The following NOTCH1 variants were observed in gnomAD, a reference collection of about 807,000 sequenced individuals.
NOTCH1 encodes the protein neurogenic locus notch homolog protein 1.
In NOTCH1, 37 loss-of-function variants were observed where a neutral mutation model predicts 254.8. That is an observed-to-expected ratio of 0.15 (90% CI 0.11 to 0.19). The LOEUF is 0.19. NOTCH1 is among the 10% of genes least tolerant of loss of function. The probability of loss-of-function intolerance (pLI) is 1.00; values close to 1 mark genes in which losing one functional copy is unlikely to be tolerated. For missense variants in NOTCH1, 2,972 were observed against 3,708.6 expected (o/e 0.80, Z 5.16); for synonymous variants, 1,731 against 1,618.1 (o/e 1.07, Z -1.68).
rs1843069971 is a variant in NOTCH1, at chr9:136,505,629, G to A, written c.4267C>T (p.Leu1423Phe). The change falls in exon 25 of 34, where the codon CTC becomes TTC. Residue 1423 changes from leucine (L) to phenylalanine (F), a missense_variant. Around this residue, in one of 8 missense-constraint regions of NOTCH1, gnomAD observed 1,343 missense variants for 1,557.0 expected, o/e 0.86. Transcript: ENST00000651671. ...RCLCPAKFNG[L>F]LCHILDYSFG... ...CTGTAGTCCAGGATGTGGCACAAGAGCCCGTTGAATTTGGCGGGGCACAGG... is the reference window on the plus strand; with the variant it reads ...CTGTAGTCCAGGATGTGGCACAAGAACCCGTTGAATTTGGCGGGGCACAGG... 1.2e-6 allele frequency: 2 copies of A among 1,612,204 alleles called. No individual in the cohort carries two copies. The highest frequency in any genetic ancestry group is 8.5e-7 in the Non-Finnish European group (1 of 1,179,640).
rs9411208 is a variant in NOTCH1, at chr9:136,517,745, G to A, written c.1441+7C>T. Reference sequence around the variant, plus strand: ...TCGGTTTCCCGCCCTGGCCCCGGCCGACGCACCGGGCATGCAGATGCACTG... The same window carrying A: ...TCGGTTTCCCGCCCTGGCCCCGGCCAACGCACCGGGCATGCAGATGCACTG... On this transcript the variant is annotated splice_region_variant and intron_variant, in intron 8 of 33. Coordinates refer to ENST00000651671, the MANE Select transcript of NOTCH1 (RefSeq NM_017617.5). The A allele has an allele frequency of 0.51, 814,767 of 1,612,248 alleles. 216,604 individuals carry two copies. Among genetic ancestry groups the A allele is most frequent in the East Asian group, 0.92 (41,273 of 44,866 alleles).
chr9:136,523,345 G>C lies in NOTCH1; in HGVS notation c.404-157C>G, dbSNP rs1474239908. ...CCTGCCGTGAGACCGGTCGCCTTTG[G>C]CAGATGAAGGACCACAGCTCCCAAG... On this transcript the variant is annotated intron_variant, in intron 3 of 33. Coordinates refer to ENST00000651671, the MANE Select transcript of NOTCH1 (RefSeq NM_017617.5). Among the ~76,000 whole-genome samples the C allele has an allele frequency of 3.9e-5, 6 of 152,204 alleles. No homozygotes were observed. In the East Asian group the frequency reaches 1.2e-3, roughly 29 times the overall value.
chr9:136,509,694 G>C (rs376527097), intron 18 of NOTCH1, 39 bp downstream of exon 18: 1 of 1,585,250 alleles, frequency 6.3e-7, no homozygotes, highest in Non-Finnish European at 8.7e-7. Context: ...GGCCCGCACC[G>C]CCCGTTCCCT....
At position 136,532,361 on chromosome 9, in the gene NOTCH1, G is replaced by T. The variant is rs537570467; in HGVS notation, c.141-8382C>A. 2.8e-4 allele frequency among the ~76,000 whole-genome samples: 43 copies of T among 152,274 alleles called. No individual in the cohort carries two copies. In the East Asian group the frequency reaches 6.2e-3, roughly 22 times the overall value. ...CCTCGCGGCCTCGCCCAAAGATCTC[G>T]CACTACCTCACCCAATCCCGCAGGA... On this transcript the variant is annotated intron_variant, in intron 2 of 33. Transcript: ENST00000651671.
Position 136,502,423 on chromosome 9 carries a change from C to T in NOTCH1, c.5233G>A (p.Val1745Met). ...CCGCAGCCCACGAAGAACAGAAGCA[C>T]AAAGGCGGCCGCCGCCACGTACATG... ...HFMYVAAAAF[V>M]LLFFVGCGVL... The change falls in exon 28 of 34, where the codon GTG becomes ATG. Residue 1745 changes from valine (V) to methionine (M), a missense_variant. By Grantham distance (21) the Val-to-Met change is conservative (BLOSUM62 1). Around this residue, in one of 8 missense-constraint regions of NOTCH1, gnomAD observed 421 missense variants for 604.4 expected, o/e 0.70. Coordinates refer to ENST00000651671, the MANE Select transcript of NOTCH1 (RefSeq NM_017617.5). 6.2e-7 allele frequency: 1 copy of T among 1,609,492 alleles called. No individual in the cohort carries two copies. Among genetic ancestry groups the T allele is most frequent in the African/African-American group, 1.3e-5 (1 of 74,992 alleles).
In NOTCH1 at chr9:136,514,548, G is replaced by A. The variant is rs557522267; in HGVS notation, c.2169C>T (p.Asn723=). The A allele has an allele frequency of 1.4e-5, 23 of 1,603,382 alleles. No individual in the cohort carries two copies. The East Asian group carries it at 2.9e-4, about 20-fold the overall frequency. ...CCCGGCAGGCCCCGTGGACGCAGGG[G>A]TTGCTGTTGCACTCATTGACCTCAG... is the stretch of plus-strand genomic sequence containing the variant. ...CLSEVNECNS[N]PCVHGACRDS... is the part of the protein sequence containing the mutation. Residue 723 remains asparagine (N), a synonymous_variant, in exon 13 of 34, where the codon AAC becomes AAT. Transcript: ENST00000651671.
rs1343291007 is a variant in NOTCH1, at chr9:136,494,731, CAA to C, written c.*1338_*1339del. On this transcript the variant is annotated 3_prime_UTR_variant, in exon 34 of 34. Coordinates refer to ENST00000651671, the MANE Select transcript of NOTCH1 (RefSeq NM_017617.5). ...GCGGCTAAGGCTCCCCGAGCTGAGC[CAA>C]GTCTGACGTCCCTCACTGGCATGAC... 1 of 398,662 alleles carries C rather than the reference CAA, an allele frequency of 2.5e-6. No homozygotes were observed. Among genetic ancestry groups the C allele is most frequent in the African/African-American group, 2.1e-5 (1 of 48,738 alleles). 24.7% of individuals were successfully genotyped at this position (398,662 alleles called of 1,614,324 possible).
intron 9 of NOTCH1, among the ~76,000 whole-genome samples, 159 bp from the exon 10 acceptor site, chr9:136,516,253 C>T (rs747884508): frequency 1.2e-4 from 19 of 152,194 alleles, no homozygotes; most frequent in Non-Finnish European, 2.2e-4. Flanking sequence ...TCCCGCTGCC[C>T]GCTCCCCGGA....
In NOTCH1 at chr9:136,504,948, C is replaced by T. The variant is rs781672648; in HGVS notation, c.4743G>A (p.Pro1581=). ...AGGAGCTGTTGCGCAGCTGCTCCGG[C>T]GGCATCAGCACCACCACCACCAGCG... The part of the protein sequence containing the change: ...AGTLVVVVLM[P]PEQLRNSSFH... The change falls in exon 26 of 34, where the codon CCG becomes CCA. Residue 1581 remains proline (P), a synonymous_variant. Coordinates refer to ENST00000651671, the MANE Select transcript of NOTCH1 (RefSeq NM_017617.5). 9 of 1,587,630 alleles carry T rather than the reference C, an allele frequency of 5.7e-6. No homozygotes were observed. The highest frequency in any genetic ancestry group is 1.7e-4 in the Middle Eastern group (1 of 6,028).
chr9:136,533,794 G>A (rs568815006), intron 2 of NOTCH1, among the ~76,000 whole-genome samples: 1 of 152,396 alleles, frequency 6.6e-6, no homozygotes, highest in South Asian at 2.1e-4. Context: ...TCCTACTAGG[G>A]CATCTGTCTG....
intron 9 of NOTCH1, among the ~76,000 whole-genome samples, chr9:136,516,480 T>C (rs771015461): frequency 6.6e-6 from 1 of 152,108 alleles, no homozygotes; most frequent in Non-Finnish European, 1.5e-5. Flanking sequence ...CTGGGACAGA[T>C]GGAAACACCT....
At chr9:136,539,189 C>G (rs758441546) in intron 2 of NOTCH1, among the ~76,000 whole-genome samples, 1 of 152,194 alleles carries the variant, frequency 6.6e-6, no homozygotes, top group African/African-American at 2.4e-5. Context: ...CTTTCTCCCT[C>G]TCTCTTTTTC....
chr9:136,498,179 C>T (rs1021207369), intron 33 of NOTCH1, among the ~76,000 whole-genome samples: 6 of 151,792 alleles, frequency 4.0e-5, no homozygotes, highest in Non-Finnish European at 8.8e-5. Context: ...CGCTGTGTGC[C>T]CTCACCCAGG....
Position 136,522,831 on chromosome 9 carries a change from G to T in NOTCH1, c.742+19C>A. 1 of 1,464,658 alleles carries T rather than the reference G, an allele frequency of 6.8e-7. No individual in the cohort carries two copies. The allele number at this position is 1,464,658 out of a possible 1,614,324, so 90.7% of individuals were successfully genotyped here. A position where few individuals can be genotyped will look rare whatever the true frequency, so the allele number is the denominator to read the frequency against. On this transcript the variant is annotated intron_variant, in intron 4 of 33. Transcript: ENST00000651671. Reference sequence around the variant, plus strand: ...AGCCGGGGAGGGGCTCGTGCACCCCGGCCAGCGGGCAGCACTACCTGGCAG... The same window carrying T: ...AGCCGGGGAGGGGCTCGTGCACCCCTGCCAGCGGGCAGCACTACCTGGCAG...
chr9:136,517,987 C>T (rs112799526), intron 7 of NOTCH1, 50 bp from the exon 8 acceptor site: 4 of 1,596,574 alleles, frequency 2.5e-6, no homozygotes, highest in African/African-American at 1.3e-5. Flanking sequence ...CTGGCCCCTG[C>T]AACACCTCAC....
Position 136,523,054 on chromosome 9 carries a change from T to C in NOTCH1, c.538A>G (p.Asn180Asp). ...FHGPTCRQDV[N>D]ECGQKPGLCR... Reference sequence around the variant, plus strand: ...AGCCCGGGCTTCTGGCCACACTCGTTGACATCCTGCCGGCAGGTGGGGCCA... The same window carrying C: ...AGCCCGGGCTTCTGGCCACACTCGTCGACATCCTGCCGGCAGGTGGGGCCA... Residue 180 changes from asparagine to aspartate, a missense_variant, in exon 4 of 34, where the codon AAC becomes GAC. Transcript: ENST00000651671. The C allele has an allele frequency of 6.4e-7, 1 of 1,568,690 alleles. No individual in the cohort carries two copies. Among genetic ancestry groups the C allele is most frequent in the South Asian group, 1.2e-5 (1 of 85,620 alleles).
intron 4 of NOTCH1, among the ~76,000 whole-genome samples, chr9:136,519,803 G>T (rs1379089162): frequency 6.6e-6 from 1 of 152,234 alleles, no homozygotes; most frequent in Non-Finnish European, 1.5e-5. Flanking sequence ...GGTTCCAGAA[G>T]ATTCTGTCAC....
chr9:136,505,926 C>T (rs749403581), intron 24 of NOTCH1, 45 bp from the exon 25 acceptor site: 184 of 1,486,664 alleles, frequency 1.2e-4, no homozygotes, highest in Non-Finnish European at 1.6e-4. Flanking sequence ...GGGCCACCCC[C>T]CGCCCCCCCG....
rs1428213859 is a variant in NOTCH1 at position 136,522,902 on chromosome 9, C to G, written c.690G>C (p.Gly230=). Residue 230 remains glycine (G), a synonymous_variant, in exon 4 of 34, where the codon GGG becomes GGC. Transcript: ENST00000651671. ...VPCSPSPCQN[G]GTCRPTGDVT... is the part of the protein sequence containing the mutation. ...CGTCGCCCGTGGGGCGGCAGGTGCC[C>G]CCGTTCTGGCAGGGCGAGGGGCTGC... 1.3e-6 allele frequency: 2 copies of G among 1,540,786 alleles called. No individual in the cohort carries two copies. Among genetic ancestry groups the G allele is most frequent in the Admixed American group, 1.9e-5 (1 of 51,668 alleles).
Sources: gnomAD v4.1 joint callset for allele counts (sites outside exome capture counted in the v4.1 genomes callset) on GRCh38, gnomAD v4.1.1 for gene constraint, gnomAD v4.1.1 regional missense constraint, MANE v1.5 for transcripts, NCBI Gene and HGNC (gene_info 2026-07-23, HGNC 2026-07-21) for gene names.